Variants in MMP20 observed in about 807,000 individuals in gnomAD.
MMP20 encodes matrix metallopeptidase 20.
A neutral mutation model predicts 51.8 loss-of-function variants in MMP20; 50 were observed. The ratio of observed to expected loss-of-function variants is 0.97; its 90% CI spans 0.77 to 1.22. The LOEUF (loss-of-function observed/expected upper bound fraction) is 1.22. Ranked by LOEUF, MMP20 falls within the 50% of genes most tolerant of loss-of-function variation. The probability of loss-of-function intolerance (pLI) is 0.00; values close to 1 mark genes in which losing one functional copy is unlikely to be tolerated. For missense variants in MMP20, 663 were observed against 601.4 expected (o/e 1.10, Z -1.07); for synonymous variants, 244 against 216.2 (o/e 1.13, Z -1.13).
At chr11:102,594,485 C>A in intron 7 of MMP20, 136 bp downstream of exon 7, 1 of 1,158,982 alleles carries the variant, frequency 8.6e-7, no homozygotes, top group Non-Finnish European at 1.2e-6. Context: ...GGTGGCATTT[C>A]ATACCCAACC....
chr11:102,594,490 C>T, intron 7 of MMP20, 131 bp downstream of exon 7: 1 of 1,222,030 alleles, frequency 8.2e-7, no homozygotes, highest in Non-Finnish European at 1.2e-6. Flanking sequence ...CATTTCATAC[C>T]CAACCTGAGG....
At chr11:102,601,997 T>C (rs1228005184) in intron 6 of MMP20, among the ~76,000 whole-genome samples, 1 of 149,436 alleles carries the variant, frequency 6.7e-6, no homozygotes, top group African/African-American at 2.5e-5. Context: ...TCGCCCAGGC[T>C]GGAGTGCAGT....
At chr11:102,609,839 G>T (rs912480579) in intron 4 of MMP20, 66 bp downstream of exon 4, 274 of 1,610,080 alleles carry the variant, frequency 1.7e-4, no homozygotes, top group Non-Finnish European at 2.0e-4. Flanking sequence ...GAACCTCAAG[G>T]TTTCATGATG....
rs1422062925 is a variant in MMP20, at chr11:102,577,478, T to C, written c.1352-52A>G. The C allele has an allele frequency of 3.2e-6, 4 of 1,230,952 alleles. No homozygotes were observed. In the African/African-American group the frequency reaches 5.9e-5, roughly 18 times the overall value. The allele number at this position is 1,230,952 out of a possible 1,614,324, so 76.3% of individuals were successfully genotyped here. On this transcript the variant is annotated intron_variant, in intron 9 of 9. Transcript: ENST00000260228. ...TTACTGAAGATGTCCAGCACATATA[T>C]AAATGGAAGAATTTGTCACTGTCAC... is the stretch of plus-strand genomic sequence containing the variant.
chr11:102,608,832 T>C, intron 5 of MMP20, 105 bp downstream of exon 5: 1 of 1,223,068 alleles, frequency 8.2e-7, no homozygotes, highest in South Asian at 1.2e-5. Flanking sequence ...GGTTATGGTT[T>C]CTAGATTGAT....
chr11:102,602,061 T>G (rs1859453089), intron 6 of MMP20, among the ~76,000 whole-genome samples: 1 of 149,172 alleles, frequency 6.7e-6, no homozygotes, highest in Admixed American at 6.7e-5. Flanking sequence ...GCCATTCTCC[T>G]GCCTCAGCCT....
At position 102,610,347 on chromosome 11, in the gene MMP20, G is replaced by A. The variant is rs1711418; in HGVS notation, c.524-317C>T. ...TTTGCATGTGCCACAGATTACAAAA[G>A]GAGAACGACTGGGGCGGGGCGGGGC... On this transcript the variant is annotated intron_variant, in intron 3 of 9. Transcript: ENST00000260228. Among the ~76,000 whole-genome samples, 61,667 of 151,490 alleles carry A rather than the reference G, an allele frequency of 0.41. 12,951 individuals carry two copies. The highest frequency in any genetic ancestry group is 0.59 in the South Asian group (2,807 of 4,790).
At chr11:102,618,273 A>G (rs1444234858) in intron 1 of MMP20, among the ~76,000 whole-genome samples, 1 of 151,896 alleles carries the variant, frequency 6.6e-6, no homozygotes, top group African/African-American at 2.4e-5. Flanking sequence ...CAGAGCACTG[A>G]TTGTATTTAA....
intron 6 of MMP20, among the ~76,000 whole-genome samples, chr11:102,601,482 T>C (rs1859446176): frequency 6.6e-6 from 1 of 152,196 alleles, no homozygotes; most frequent in East Asian, 1.9e-4. Context: ...TCTCTGGTTG[T>C]TATTAAATCC....
At chr11:102,610,733 T>A (rs1394086745) in intron 3 of MMP20, among the ~76,000 whole-genome samples, 1 of 152,034 alleles carries the variant, frequency 6.6e-6, no homozygotes, top group African/African-American at 2.4e-5. Context: ...TAAAAAAATC[T>A]TAGTAAGGAT....
At position 102,577,293 on chromosome 11, in the gene MMP20, T is replaced by C; in HGVS notation, c.*33A>G. The C allele has an allele frequency of 1.4e-6, 2 of 1,438,346 alleles. No homozygotes were observed. The highest frequency in any genetic ancestry group is 2.3e-5 in the South Asian group (2 of 87,476). The allele number at this position is 1,438,346 out of a possible 1,614,324, so 89.1% of individuals were successfully genotyped here. ...TCCAGTTAGAGGCTGCTTGTAGTCA[T>C]CCTCATTGCTTGAGAAGACTAGGCT... On this transcript the variant is annotated 3_prime_UTR_variant, in exon 10 of 10. Transcript: ENST00000260228.
At chr11:102,607,539 A>G (rs1711424) in intron 5 of MMP20, 117,566 of 152,244 alleles carry the variant, frequency 0.77, 45,566 homozygotes, top group East Asian at 0.98. Flanking sequence ...GTCAGGGATG[A>G]AGTAGGGTTA....
intron 6 of MMP20, among the ~76,000 whole-genome samples, chr11:102,603,448 T>C (rs1859473941): frequency 6.6e-6 from 1 of 152,136 alleles, no homozygotes; most frequent in South Asian, 2.1e-4. Context: ...AGTTTGCTAG[T>C]TTGGGTTTGA....
intron 9 of MMP20, among the ~76,000 whole-genome samples, chr11:102,578,602 G>A (rs959326449): frequency 1.3e-5 from 2 of 152,182 alleles, no homozygotes; most frequent in Non-Finnish European, 2.9e-5. Context: ...TGGGCCTGGT[G>A]GCCAGCGCCT....
intron 8 of MMP20, among the ~76,000 whole-genome samples, chr11:102,582,289 T>C (rs1179247303): frequency 6.6e-6 from 1 of 152,158 alleles, no homozygotes; most frequent in Non-Finnish European, 1.5e-5. Flanking sequence ...ACTGACTCCA[T>C]TCTACCCTCT....
intron 6 of MMP20, among the ~76,000 whole-genome samples, chr11:102,601,122 A>ATTTTTT (rs1193022328): frequency 1.1e-4 from 4 of 37,018 alleles, no homozygotes; most frequent in Admixed American, 2.8e-4. Context: ...AGTGTCGGCT[A>ATTTTTT]TTCTTTTTTT....
intron 8 of MMP20, among the ~76,000 whole-genome samples, chr11:102,581,572 T>C (rs975406938): frequency 1.3e-5 from 2 of 152,044 alleles, no homozygotes; most frequent in Non-Finnish European, 2.9e-5. Flanking sequence ...CAATAATAAA[T>C]AAATGATGAA....
At chr11:102,577,691 C>T (rs1278291138) in intron 9 of MMP20, among the ~76,000 whole-genome samples, 2 of 152,192 alleles carry the variant, frequency 1.3e-5, no homozygotes, top group African/African-American at 2.4e-5. Context: ...ATGTACTGTG[C>T]TTCTGCTCAG....
chr11:102,577,844 G>A (rs903221970), intron 9 of MMP20, among the ~76,000 whole-genome samples: 3 of 152,156 alleles, frequency 2.0e-5, no homozygotes, highest in African/African-American at 7.2e-5. Context: ...ATCAGCTCTT[G>A]CAATTATTGT....
Sources: allele counts gnomAD v4.1 joint callset (sites outside exome capture counted in the v4.1 genomes callset), GRCh38; gene constraint gnomAD v4.1.1; transcripts MANE v1.5; gene names NCBI Gene and HGNC (gene_info 2026-07-23, HGNC 2026-07-21).